Variants in PRSS58 observed in about 807,000 individuals in gnomAD.
PRSS58 encodes the protein protease, serine 58.
Under a neutral mutation model 25.0 loss-of-function variants are expected in PRSS58, and 31 were observed. That is an observed-to-expected ratio of 1.24 (90% CI 0.93 to 1.67). The LOEUF (loss-of-function observed/expected upper bound fraction) is 1.67, where lower values mean the gene tolerates loss of function less well. Ranked by LOEUF, PRSS58 falls within the 40% of genes most tolerant of loss-of-function variation. PRSS58 has a pLI of 0.00. For synonymous variants in PRSS58, 119 were observed against 106.1 expected (o/e 1.12, Z -0.75); for missense variants, 324 against 287.9 (o/e 1.13, Z -0.91).
intron 2 of PRSS58, among the ~76,000 whole-genome samples, chr7:142,256,018 G>T (rs932195296): frequency 6.6e-6 from 1 of 151,922 alleles, no homozygotes; most frequent in African/African-American, 2.4e-5. Flanking sequence ...AAGTCTTAAG[G>T]CATTCTGATT....
At position 142,252,273 on chromosome 7, in the gene PRSS58, G is replaced by A; in HGVS notation, c.674C>T (p.Ala225Val). 2 of 1,614,000 alleles carry A rather than the reference G, an allele frequency of 1.2e-6. No individual in the cohort carries two copies. Among genetic ancestry groups the A allele is most frequent in the Non-Finnish European group, 1.7e-6 (2 of 1,179,978 alleles). The change falls in exon 6 of 6, where the codon GCC (alanine) becomes GTC (valine). Residue 225 changes from alanine (A) to valine (V), a missense_variant. Transcript: ENST00000547058. ...CCAGGGTATATAGTAAAAAATTTTG[G>A]CATAGATGCCAACATCAGCTCTCAA... is the stretch of plus-strand genomic sequence containing the variant. ...CVLRADVGIY[A>V]KIFYYIPWIE...
At chr7:142,255,779 T>G in intron 2 of PRSS58, 106 bp from the exon 3 acceptor site, 20 of 901,514 alleles carry the variant, frequency 2.2e-5, no homozygotes, top group Non-Finnish European at 3.3e-5. Flanking sequence ...TCCTTTTCTC[T>G]AGCAACTTTA....
At chr7:142,256,921 A>G (rs1224322830) in intron 2 of PRSS58, among the ~76,000 whole-genome samples, 2 of 152,208 alleles carry the variant, frequency 1.3e-5, no homozygotes, top group Non-Finnish European at 2.9e-5. Context: ...GTTACATCAC[A>G]GAGGCCATGG....
chr7:142,255,336 G>A, intron 3 of PRSS58, 25 bp from the exon 4 acceptor site: 1 of 1,609,088 alleles, frequency 6.2e-7, no homozygotes, highest in Non-Finnish European at 8.5e-7. Context: ...ACGTTTATGA[G>A]AGGACTTAAC....
At position 142,255,776 on chromosome 7, in the gene PRSS58, C is replaced by G. The variant is rs1306562355; in HGVS notation, c.41-103G>C. ...AGGCTCCAAGTTCCCCTATCCTTTT[C>G]TCTAGCAACTTTATCTGTAAAATGA... On this transcript the variant is annotated intron_variant, in intron 2 of 5. Coordinates refer to ENST00000547058, the MANE Select transcript of PRSS58 (RefSeq NM_001001317.5). The G allele has an allele frequency of 2.8e-5, 26 of 937,854 alleles. No homozygotes were observed. The Admixed American group carries it at 5.6e-4, about 20-fold the overall frequency. 58.1% of individuals were successfully genotyped at this position (937,854 alleles called of 1,614,324 possible).
At chr7:142,253,613 A>G (rs1476591464) in intron 4 of PRSS58, among the ~76,000 whole-genome samples, 1 of 147,440 alleles carries the variant, frequency 6.8e-6, no homozygotes, top group Non-Finnish European at 1.5e-5. Flanking sequence ...ATGGAAGAGT[A>G]TGTTTAATGT....
chr7:142,253,052 T>G (rs1798495827), intron 4 of PRSS58, among the ~76,000 whole-genome samples: 1 of 152,074 alleles, frequency 6.6e-6, no homozygotes, highest in Non-Finnish European at 1.5e-5. Flanking sequence ...CTGGGCGTGG[T>G]GATGAGTGCC....
chr7:142,252,693 C>T, intron 4 of PRSS58, 82 bp from the exon 5 acceptor site: 1 of 1,426,118 alleles, frequency 7.0e-7, no homozygotes, highest in Non-Finnish European at 9.4e-7. Flanking sequence ...TCTTCTTCTA[C>T]CATCAGAAAT....
intron 2 of PRSS58, among the ~76,000 whole-genome samples, chr7:142,257,337 A>G (rs1189236148): frequency 6.6e-6 from 1 of 152,164 alleles, no homozygotes; most frequent in African/African-American, 2.4e-5. Context: ...CTGTGCCAGG[A>G]GATATCTGAT....
chr7:142,255,570 C>T lies in PRSS58; in HGVS notation c.144G>A (p.Pro48=), dbSNP rs145731516. 8.5e-3 allele frequency: 13,669 copies of T among 1,613,994 alleles called. 88 individuals are homozygous for T. The highest frequency in any genetic ancestry group is 9.9e-3 in the Non-Finnish European group (11,740 of 1,179,960). Residue 48 remains proline, a synonymous_variant, in exon 3 of 6, where the codon CCG becomes CCA. Coordinates refer to ENST00000547058, the MANE Select transcript of PRSS58 (RefSeq NM_001001317.5). ...AGTGTGCAGCTGTGATCACCCAAAG[C>T]GGGTGGATCAGGACTCCAGCGCAGG... The part of the protein sequence containing the change: ...YLPCAGVLIH[P]LWVITAAHCN...
intron 4 of PRSS58, among the ~76,000 whole-genome samples, chr7:142,254,675 A>C (rs1268219889): frequency 6.6e-6 from 1 of 152,176 alleles, no homozygotes; most frequent in Non-Finnish European, 1.5e-5. Context: ...TTGACTTTTC[A>C]AAGCTTCAAG....
chr7:142,254,707 T>C (rs764448187), intron 4 of PRSS58, among the ~76,000 whole-genome samples: 2 of 152,186 alleles, frequency 1.3e-5, no homozygotes, highest in African/African-American at 2.4e-5. Flanking sequence ...CCTGAAATGG[T>C]TTGAAAATAT....
In PRSS58 at chr7:142,255,300, AC is replaced by A; in HGVS notation, c.190del (p.Val64Ter). On this transcript the variant is annotated frameshift_variant, in exon 4 of 6. Transcript: ENST00000547058. LOFTEE classifies it high-confidence loss of function. ...AAHCNLPKLR[V>X]ILGVTIPADS... ...TGCTGGGATTGTAACCCCCAATATC[AC>A]CCGAAGCTTTCTGGAACAATATAGA... 1 of 1,613,458 alleles carries A rather than the reference AC, an allele frequency of 6.2e-7. No homozygotes were observed. Among genetic ancestry groups the A allele is most frequent in the Non-Finnish European group, 8.5e-7 (1 of 1,179,604 alleles).
chr7:142,255,503 G>C lies in PRSS58; in HGVS notation c.179+32C>G, dbSNP rs763248138. 1.9e-6 allele frequency: 3 copies of C among 1,613,748 alleles called. No homozygotes were observed. The South Asian group carries it at 3.3e-5, about 18-fold the overall frequency. On this transcript the variant is annotated intron_variant, in intron 3 of 5. Transcript: ENST00000547058. ...TCTGTGCCCAACCTGAGAACCCAAA[G>C]AATGGAGTGCCTTTGAAGGCTTATC...
In PRSS58 at chr7:142,255,572, G is replaced by T. The variant is rs533349062; in HGVS notation, c.142C>A (p.Pro48Thr). The T allele has an allele frequency of 6.8e-6, 11 of 1,614,058 alleles. No individual in the cohort carries two copies. Among genetic ancestry groups the T allele is most frequent in the Admixed American group, 3.3e-5 (2 of 59,988 alleles). The part of the protein sequence containing the change: ...YLPCAGVLIH[P>T]LWVITAAHCN... Reference sequence around the variant, plus strand: ...TGTGCAGCTGTGATCACCCAAAGCGGGTGGATCAGGACTCCAGCGCAGGGC... The same window carrying T: ...TGTGCAGCTGTGATCACCCAAAGCGTGTGGATCAGGACTCCAGCGCAGGGC... Residue 48 changes from proline to threonine, a missense_variant, in exon 3 of 6, where the codon CCG becomes ACG. Pro to Thr is a conservative substitution (Grantham distance 38). Coordinates refer to ENST00000547058, the MANE Select transcript of PRSS58 (RefSeq NM_001001317.5).
rs1333885447 is a variant in PRSS58, at chr7:142,252,299, A to G, written c.648T>C (p.Val216=). 5.0e-6 allele frequency: 8 copies of G among 1,614,140 alleles called. No individual in the cohort carries two copies. Among genetic ancestry groups the G allele is most frequent in the Non-Finnish European group, 6.8e-6 (8 of 1,180,010 alleles). ...QGILSFADGC[V]LRADVGIYAK... Reference sequence around the variant, plus strand: ...CATAGATGCCAACATCAGCTCTCAAAACACATCCATCCGCAAAAGACAGGA... The same window carrying G: ...CATAGATGCCAACATCAGCTCTCAAGACACATCCATCCGCAAAAGACAGGA... Residue 216 remains valine (V), a synonymous_variant, in exon 6 of 6, where the codon GTT becomes GTC. Coordinates refer to ENST00000547058, the MANE Select transcript of PRSS58 (RefSeq NM_001001317.5).
intron 2 of PRSS58, among the ~76,000 whole-genome samples, 197 bp from the exon 3 acceptor site, chr7:142,255,870 T>C (rs1798548428): frequency 6.6e-6 from 1 of 152,130 alleles, no homozygotes; most frequent in South Asian, 2.1e-4. Flanking sequence ...AAATAAAAAG[T>C]GTTTGGCTTT....
Position 142,252,557 on chromosome 7 carries a change from T to C in PRSS58, c.491A>G (p.Gln164Arg). ...TVNISVISKP[Q>R]CRDAYKTYNI... is the part of the protein sequence containing the mutation. ...GTAGGTTTTATAGGCATCGCGACAC[T>C]GAGGCTTGGAGATTACAGAGATGTT... The change falls in exon 5 of 6, where the codon CAG (glutamine) becomes CGG (arginine). Residue 164 changes from glutamine (Q) to arginine (R), a missense_variant. Transcript: ENST00000547058. 6.2e-7 allele frequency: 1 copy of C among 1,614,182 alleles called. No homozygotes were observed. The highest frequency in any genetic ancestry group is 2.2e-5 in the East Asian group (1 of 44,880).
chr7:142,256,602 C>A (rs1435888999), intron 2 of PRSS58, among the ~76,000 whole-genome samples: 2 of 152,032 alleles, frequency 1.3e-5, no homozygotes, highest in Non-Finnish European at 2.9e-5. Flanking sequence ...AGGTGTGTGC[C>A]ACCATATCTG....
Sources: gnomAD v4.1 joint callset for allele counts (sites outside exome capture counted in the v4.1 genomes callset) on GRCh38, gnomAD v4.1.1 for gene constraint, MANE v1.5 for transcripts, NCBI Gene and HGNC (gene_info 2026-07-23, HGNC 2026-07-21) for gene names.